Variants in KIAA1217 observed in about 807,000 individuals in gnomAD.
KIAA1217 encodes the protein sickle tail protein homolog.
A neutral mutation model predicts 163.9 loss-of-function variants in KIAA1217; 88 were observed. The observed-to-expected ratio is 0.54, with a 90% CI of 0.45 to 0.64. The LOEUF is 0.64. Among genes scored for constraint, KIAA1217 ranks in the 30% least tolerant of loss-of-function variants. KIAA1217 has a pLI of 0.00. For synonymous variants in KIAA1217, 903 were observed against 923.1 expected, an observed-to-expected ratio of 0.98 and a Z score of 0.39; for missense variants, 2,372 against 2,475.0, an observed-to-expected ratio of 0.96 and a Z score of 0.88.
chr10:24,380,871 A>T lies in KIAA1217; in HGVS notation c.357A>T (p.Thr119=). 1 of 1,509,746 alleles carries T rather than the reference A, an allele frequency of 6.6e-7. No homozygotes were observed. Among genetic ancestry groups the T allele is most frequent in the Non-Finnish European group, 8.9e-7 (1 of 1,126,634 alleles). The allele number at this position is 1,509,746 out of a possible 1,614,324, so 93.5% of individuals were successfully genotyped here. ...TTTCTTTAAAATGCCTTTTGCAGAC[A>T]AGGAGCCCCAAACTGTCTCACAGTC... is the stretch of plus-strand genomic sequence containing the variant. The part of the protein sequence containing the change: ...MGHQERLRDQ[T]RSPKLSHSPQ... The change falls in exon 3 of 21, where the codon ACA becomes ACT. Residue 119 remains threonine, a splice_region_variant and synonymous_variant. Coordinates refer to ENST00000376454, the MANE Select transcript of KIAA1217 (RefSeq NM_019590.5).
At chr10:24,249,344 A>G (rs914675401) in intron 2 of KIAA1217, among the ~76,000 whole-genome samples, 3 of 152,214 alleles carry the variant, frequency 2.0e-5, no homozygotes, top group Admixed American at 1.3e-4. Context: ...ACTTAGGGGA[A>G]AGGGGGTAGA....
intron 2 of KIAA1217, among the ~76,000 whole-genome samples, chr10:24,031,808 T>C (rs1483814117): frequency 6.6e-6 from 1 of 152,212 alleles, no homozygotes; most frequent in Non-Finnish European, 1.5e-5. Flanking sequence ...GATGATCACA[T>C]GATTTTCAAA....
chr10:24,209,325 C>A, intron 1 of KIAA1217, 62 bp downstream of exon 1: 4 of 1,218,298 alleles, frequency 3.3e-6, no homozygotes, highest in Non-Finnish European at 4.7e-6. Flanking sequence ...CCGCTTGCTG[C>A]TTTTTATAAA....
chr10:24,088,964 C>A (rs2061822958), intron 2 of KIAA1217, among the ~76,000 whole-genome samples: 1 of 124,918 alleles, frequency 8.0e-6, no homozygotes, highest in Non-Finnish European at 2.0e-5. Flanking sequence ...CTGTTGTTTC[C>A]TGACTTTTTA....
intron 2 of KIAA1217, among the ~76,000 whole-genome samples, chr10:24,031,552 G>A (rs1029192442): frequency 1.3e-5 from 2 of 152,058 alleles, no homozygotes; most frequent in African/African-American, 2.4e-5. Flanking sequence ...CGCCCACCTT[G>A]GCCTCCCAAA....
At chr10:23,859,144 G>A (rs531526430) in intron 1 of KIAA1217, among the ~76,000 whole-genome samples, 4 of 152,294 alleles carry the variant, frequency 2.6e-5, no homozygotes, top group East Asian at 3.9e-4. Context: ...ATATGTGTGG[G>A]TGTATACATA....
At chr10:24,014,416 G>A (rs1191036091) in intron 2 of KIAA1217, among the ~76,000 whole-genome samples, 2 of 152,154 alleles carry the variant, frequency 1.3e-5, no homozygotes, top group Non-Finnish European at 2.9e-5. Context: ...AAACAGTGTA[G>A]GAGAGAGTAC....
chr10:24,402,455 G>A (rs1398175209), intron 3 of KIAA1217, among the ~76,000 whole-genome samples: 2 of 148,446 alleles, frequency 1.3e-5, no homozygotes, highest in East Asian at 2.0e-4. Flanking sequence ...CTTGCAGTGA[G>A]CCGAGATCGC....
chr10:23,763,134 C>T (rs1834344213), intron 1 of KIAA1217, among the ~76,000 whole-genome samples: 1 of 152,164 alleles, frequency 6.6e-6, no homozygotes, highest in Admixed American at 6.5e-5. Context: ...AATGGAAAAA[C>T]ACTCCATCCT....
At position 23,993,986 on chromosome 10, in the gene KIAA1217, AG is replaced by A. The variant is rs1564595203; in HGVS notation, c.-320-13237del. Among the ~76,000 whole-genome samples, 3 of 152,234 alleles carry A rather than the reference AG, an allele frequency of 2.0e-5. No homozygotes were observed. In the South Asian group the frequency reaches 6.2e-4, roughly 32 times the overall value. ...TCAAGAGAACAGAGAAACTGTCCTG[AG>A]GTTACAGGCCTTCGCATTTCTCCTG... On this transcript the variant is annotated intron_variant, in intron 1 of 18. Transcript: ENST00000376462.
chr10:24,256,174 G>T (rs562350777), intron 2 of KIAA1217, among the ~76,000 whole-genome samples: 2 of 151,710 alleles, frequency 1.3e-5, no homozygotes, highest in South Asian at 2.1e-4. Context: ...TGTCACCTTC[G>T]CAAAGTGCAG....
intron 1 of KIAA1217, among the ~76,000 whole-genome samples, chr10:23,901,752 CA>C (rs1841965027): frequency 6.6e-6 from 1 of 151,356 alleles, no homozygotes; most frequent in Non-Finnish European, 1.5e-5. Context: ...ACTAAAAATA[CA>C]AAAGAAAATT....
chr10:24,536,688 C>A, intron 16 of KIAA1217, 86 bp from the exon 17 acceptor site: 1 of 1,457,680 alleles, frequency 6.9e-7, no homozygotes, highest in Non-Finnish European at 9.4e-7. Context: ...TTGGGGTCCA[C>A]AAGCGTCTGG....
intron 2 of KIAA1217, among the ~76,000 whole-genome samples, chr10:24,164,733 A>G (rs1003619997): frequency 1.8e-4 from 28 of 152,154 alleles, no homozygotes; most frequent in Non-Finnish European, 4.4e-5. Flanking sequence ...CCACGTAATT[A>G]AGATAACCCC....
chr10:23,830,481 G>T (rs1054862704), intron 1 of KIAA1217, among the ~76,000 whole-genome samples: 1 of 152,014 alleles, frequency 6.6e-6, no homozygotes, highest in African/African-American at 2.4e-5. Context: ...ACAGTCTAGG[G>T]TTTTGCTTTT....
intron 2 of KIAA1217, among the ~76,000 whole-genome samples, chr10:24,148,930 T>C (rs770131854): frequency 6.6e-6 from 1 of 152,214 alleles, no homozygotes; most frequent in Admixed American, 6.5e-5. Flanking sequence ...ATGTTACATA[T>C]CTTAAAATGA....
At chr10:24,240,419 CAT>C (rs1294608837) in intron 2 of KIAA1217, among the ~76,000 whole-genome samples, 11 of 152,212 alleles carry the variant, frequency 7.2e-5, no homozygotes, top group Non-Finnish European at 1.3e-4. Context: ...AGAACTGCCT[CAT>C]GTGTGAGAAT....
intron 1 of KIAA1217, among the ~76,000 whole-genome samples, chr10:23,888,941 A>G (rs1841305229): frequency 6.6e-6 from 1 of 151,898 alleles, no homozygotes; most frequent in African/African-American, 2.4e-5. Context: ...AATTGGAATC[A>G]TTCAAGACAT....
intron 1 of KIAA1217, among the ~76,000 whole-genome samples, chr10:23,713,632 A>G (rs1475573766): frequency 6.6e-6 from 1 of 152,152 alleles, no homozygotes; most frequent in African/African-American, 2.4e-5. Flanking sequence ...TTAGGAGCCT[A>G]TGTTGATTTG....
Sources: allele counts gnomAD v4.1 joint callset (sites outside exome capture counted in the v4.1 genomes callset), GRCh38; gene constraint gnomAD v4.1.1; transcripts MANE v1.5; gene names NCBI Gene and HGNC (gene_info 2026-07-23, HGNC 2026-07-21).